SPTBN5: variants seen among roughly 807,000 people sequenced by gnomAD.
SPTBN5 encodes the protein spectrin beta chain, non-erythrocytic 5.
A neutral mutation model predicts 477.6 loss-of-function variants in SPTBN5; 513 were observed. The ratio of observed to expected loss-of-function variants is 1.07; its 90% CI spans 1.00 to 1.16. SPTBN5 has a LOEUF of 1.16. SPTBN5 is among the 50% of genes most tolerant of loss of function. SPTBN5 has a pLI of 0.00. For missense variants in SPTBN5, 5,062 were observed against 4,731.8 expected (o/e 1.07, Z -2.05); for synonymous variants, 2,169 against 2,011.7 (o/e 1.08, Z -2.09).
intron 3 of SPTBN5, among the ~76,000 whole-genome samples, chr15:41,891,697 G>A (rs993400090): frequency 3.9e-5 from 6 of 152,192 alleles, no homozygotes; most frequent in Admixed American, 6.5e-5. Flanking sequence ...CCTTGAGGTG[G>A]GGGTCTGGGC....
At chr15:41,874,563 C>A in intron 23 of SPTBN5, 85 bp from the exon 24 acceptor site, 1 of 1,193,782 alleles carries the variant, frequency 8.4e-7, no homozygotes, top group Non-Finnish European at 1.2e-6. Context: ...AGCCAGGGCC[C>A]GTGAAGAACA....
intron 3 of SPTBN5, 67 bp from the exon 4 acceptor site, chr15:41,890,272 C>T (rs2067270804): frequency 1.8e-6 from 2 of 1,103,924 alleles, no homozygotes; most frequent in Non-Finnish European, 2.7e-6. Flanking sequence ...TCACCAAAAG[C>T]TTAGGGGGCC....
chr15:41,887,144 G>A, intron 6 of SPTBN5, 69 bp downstream of exon 6: 1 of 1,406,044 alleles, frequency 7.1e-7, no homozygotes, highest in Non-Finnish European at 9.8e-7. Context: ...ACGTGGCAGG[G>A]CAGGCTTCAC....
chr15:41,869,823 A>T lies in SPTBN5; in HGVS notation c.5853+18T>A, dbSNP rs2066469792. 1.3e-6 allele frequency: 2 copies of T among 1,537,792 alleles called. No homozygotes were observed. Among genetic ancestry groups the T allele is most frequent in the African/African-American group, 1.4e-5 (1 of 72,164 alleles). On this transcript the variant is annotated intron_variant, in intron 32 of 67. Coordinates refer to ENST00000320955, the MANE Select transcript of SPTBN5 (RefSeq NM_016642.4). ...CACACATGCACACACACACCACCCA[A>T]AGGGCAGGAGCCCTCACCGCCGTGC... is the stretch of plus-strand genomic sequence containing the variant.
chr15:41,875,335 C>T, intron 22 of SPTBN5, 123 bp downstream of exon 22: 1 of 1,243,210 alleles, frequency 8.0e-7, no homozygotes, highest in South Asian at 1.5e-5. Context: ...TGTCCTAGGC[C>T]AGAAGCCTCC....
chr15:41,879,873 A>C lies in SPTBN5; in HGVS notation c.2812-9T>G. 6.2e-7 allele frequency: 1 copy of C among 1,613,756 alleles called. No individual in the cohort carries two copies. Among genetic ancestry groups the C allele is most frequent in the Non-Finnish European group, 8.5e-7 (1 of 1,179,860 alleles). On this transcript the variant is annotated splice_polypyrimidine_tract_variant and intron_variant, in intron 14 of 67. Coordinates refer to ENST00000320955, the MANE Select transcript of SPTBN5 (RefSeq NM_016642.4). The stretch of plus-strand genomic sequence containing the variant: ...AGGGCAGTGAGGAAGTTCTAGGGAA[A>C]AGGAGGACCCAGCCCTCTTGGGGGA...
chr15:41,892,549 A>G (rs1425031552), intron 3 of SPTBN5, among the ~76,000 whole-genome samples: 1 of 152,190 alleles, frequency 6.6e-6, no homozygotes, highest in Non-Finnish European at 1.5e-5. Context: ...TAAATAATTC[A>G]GGGCCTCTGT....
At chr15:41,881,885 G>C in intron 12 of SPTBN5, 51 bp downstream of exon 12, 1 of 1,474,014 alleles carries the variant, frequency 6.8e-7, no homozygotes, top group Non-Finnish European at 9.0e-7. Context: ...GTGTGGCCCA[G>C]CCGCGGTGGA....
In SPTBN5 at chr15:41,872,435, A is replaced by G; in HGVS notation, c.5032T>C (p.Tyr1678His). ...HQALQEELAI[Y>H]WSSMEELDQT... ...TCAAGCTCCTCCATGGAGCTCCAGT[A>G]AATGGCTAGTTCCTCCTGTAGAGCC... Residue 1678 changes from tyrosine to histidine, a missense_variant, in exon 27 of 68, where the codon TAC becomes CAC. Transcript: ENST00000320955. The G allele has an allele frequency of 1.3e-6, 2 of 1,571,246 alleles. No homozygotes were observed. Among genetic ancestry groups the G allele is most frequent in the South Asian group, 2.3e-5 (2 of 85,700 alleles).
chr15:41,882,830 G>A (rs2067018738), intron 9 of SPTBN5, 92 bp from the exon 10 acceptor site: 51 of 1,474,930 alleles, frequency 3.5e-5, no homozygotes, highest in Non-Finnish European at 4.5e-5. Flanking sequence ...CCCTTAGACA[G>A]GATTTTTCTT....
At chr15:41,865,676 C>A (rs967719338) in intron 39 of SPTBN5, 132 bp downstream of exon 39, 15 of 787,624 alleles carry the variant, frequency 1.9e-5, no homozygotes, top group Admixed American at 2.7e-5. Context: ...GAGGAGGGAG[C>A]CTGCCCGAGG....
In SPTBN5 at chr15:41,851,444, A is replaced by ATG. The variant is rs2065758645; in HGVS notation, c.10657-77_10657-76dup. On this transcript the variant is annotated intron_variant, in intron 63 of 67. Transcript: ENST00000320955. Reference sequence around the variant, plus strand: ...AGCTAGGGCCTGTCCACGCCTCACCATGTGTGTGGAGCTTCCCAGGAAAAG... The same window carrying ATG: ...AGCTAGGGCCTGTCCACGCCTCACCATGTGTGTGTGGAGCTTCCCAGGAAAAG... 19 of 1,078,930 alleles carry ATG rather than the reference A, an allele frequency of 1.8e-5. 1 individual carries two copies. The highest frequency in any genetic ancestry group is 2.5e-5 in the Non-Finnish European group (18 of 730,642). The allele number at this position is 1,078,930 out of a possible 1,614,324, so 66.8% of individuals were successfully genotyped here. A position where few individuals can be genotyped will look rare whatever the true frequency, so the allele number is the denominator to read the frequency against.
chr15:41,871,654 G>T, intron 28 of SPTBN5, 128 bp downstream of exon 28: 1 of 1,417,588 alleles, frequency 7.1e-7, no homozygotes, highest in African/African-American at 1.5e-5. Context: ...GCTCCACTGA[G>T]GAGGCCCCAC....
intron 39 of SPTBN5, among the ~76,000 whole-genome samples, chr15:41,865,525 A>G (rs557250213): frequency 6.6e-6 from 1 of 152,350 alleles, no homozygotes; most frequent in Admixed American, 6.5e-5. Context: ...GCAAGTATGC[A>G]TCTGTGCGGG....
chr15:41,893,607 G>A, intron 1 of SPTBN5, 61 bp from the exon 2 acceptor site: 1 of 1,463,062 alleles, frequency 6.8e-7, no homozygotes, highest in East Asian at 2.5e-5. Context: ...CCAGGGGCCT[G>A]GGGTCCCGCC....
At chr15:41,850,049 C>T (rs1009548548) in intron 66 of SPTBN5, 90 bp from the exon 67 acceptor site, 1 of 1,100,434 alleles carries the variant, frequency 9.1e-7, no homozygotes. Context: ...CTTCTGGAGG[C>T]TCAGCACAGC....
At chr15:41,871,550 GC>G (rs2066537321) in intron 28 of SPTBN5, 30 bp from the exon 29 acceptor site, 2 of 1,441,528 alleles carry the variant, frequency 1.4e-6, no homozygotes, top group Non-Finnish European at 1.8e-6. Context: ...TGACAGGGTA[GC>G]CCCCAGCTGG....
rs1419312840 is a variant in SPTBN5, at chr15:41,871,515, G to A, written c.5307C>T (p.Leu1769=). ...LGEDPEHALH[L]CTKFAKFQHQ... is the part of the protein sequence containing the mutation. ...GCTGAAACTTTGCAAACTTGGTGCAGAGGTGCTGAGAAGAGGGGAGTGGGT... is the reference window on the plus strand; with the variant it reads ...GCTGAAACTTTGCAAACTTGGTGCAAAGGTGCTGAGAAGAGGGGAGTGGGT... Residue 1769 remains leucine, a synonymous_variant, in exon 29 of 68, where the codon CTC becomes CTT. Transcript: ENST00000320955. 2 of 1,485,444 alleles carry A rather than the reference G, an allele frequency of 1.3e-6. No homozygotes were observed. Among genetic ancestry groups the A allele is most frequent in the Admixed American group, 2.4e-5 (1 of 41,878 alleles). The allele number at this position is 1,485,444 out of a possible 1,614,324, so 92.0% of individuals were successfully genotyped here. A position where few individuals can be genotyped will look rare whatever the true frequency, so the allele number is the denominator to read the frequency against.
intron 20 of SPTBN5, 38 bp from the exon 21 acceptor site, chr15:41,876,322 G>A: frequency 1.3e-6 from 2 of 1,507,238 alleles, no homozygotes; most frequent in Non-Finnish European, 1.8e-6. Context: ...TCAGAGCACG[G>A]TGGGTGGGGG....
Sources: allele counts gnomAD v4.1 joint callset (sites outside exome capture counted in the v4.1 genomes callset), GRCh38; gene constraint gnomAD v4.1.1; transcripts MANE v1.5; gene names NCBI Gene and HGNC (gene_info 2026-07-23, HGNC 2026-07-21).